ERG: variants seen among roughly 807,000 people sequenced by gnomAD.
The protein encoded by ERG is ETS transcription factor ERG.
ERG carries 9 observed loss-of-function variants against 55.3 expected under a neutral mutation model. The observed-to-expected ratio is 0.16, with a 90% CI of 0.10 to 0.28. ERG has a LOEUF of 0.28. ERG is among the 10% of genes least tolerant of loss of function. The pLI is 1.00. For synonymous variants in ERG, 223 were observed against 237.3 expected (o/e 0.94, Z 0.55); for missense variants, 434 against 631.6 (o/e 0.69, Z 3.35).
Position 38,538,252 on chromosome 21 carries a change from T to C in ERG, c.-41+37410A>G, listed in dbSNP as rs192327674. Among the ~76,000 whole-genome samples, 57 of 152,254 alleles carry C rather than the reference T, an allele frequency of 3.7e-4. 1 individual carries two copies. In the East Asian group the frequency reaches 0.01, roughly 27 times the overall value. On this transcript the variant is annotated intron_variant, in intron 2 of 8. Transcript: ENST00000398897. ...AAAAAGTTCTGGAGATGGATGATGG[T>C]GAGTTTTGCACCACAATGTGAATGT...
chr21:38,589,413 G>T (rs561572429), upstream of ERG, among the ~76,000 whole-genome samples: 1 of 152,162 alleles, frequency 6.6e-6, no homozygotes, highest in African/African-American at 2.4e-5. Flanking sequence ...CTCCCTTATG[G>T]AAGGAAACAT....
chr21:38,409,769 G>A (rs969825323), intron 3 of ERG, among the ~76,000 whole-genome samples: 2 of 152,212 alleles, frequency 1.3e-5, no homozygotes, highest in African/African-American at 2.4e-5. Flanking sequence ...AGCAACATAC[G>A]AGGATGGGGA....
intron 1 of ERG, among the ~76,000 whole-genome samples, chr21:38,485,705 A>C (rs13052418): frequency 6.6e-6 from 1 of 151,076 alleles, no homozygotes; most frequent in Non-Finnish European, 1.5e-5. Flanking sequence ...TGATCCGCCC[A>C]CCTCGGCCTC....
At chr21:38,628,904 C>A (rs937250318) in intron 1 of ERG, among the ~76,000 whole-genome samples, 1 of 152,234 alleles carries the variant, frequency 6.6e-6, no homozygotes, top group African/African-American at 2.4e-5. Context: ...CAGTACACAG[C>A]TTTAGAGGAC....
chr21:38,522,698 T>C (rs182451417), intron 2 of ERG, among the ~76,000 whole-genome samples: 269 of 152,328 alleles, frequency 1.8e-3, no homozygotes, highest in African/African-American at 6.4e-3. Context: ...TTCAAAATAT[T>C]TCCAAGGTAT....
At position 38,382,560 on chromosome 21, in the gene ERG, A is replaced by G; in HGVS notation, c.*843T>C. The G allele has an allele frequency of 4.7e-6, 5 of 1,066,056 alleles. No individual in the cohort carries two copies. Among genetic ancestry groups the G allele is most frequent in the Non-Finnish European group, 4.5e-6 (4 of 879,480 alleles). 66.0% of individuals were successfully genotyped at this position (1,066,056 alleles called of 1,614,324 possible). The stretch of plus-strand genomic sequence containing the variant: ...TTTCTCCTAACACTGGGTTTGGTAT[A>G]ACACTGACTGCATGAACCCTCGAGT... On this transcript the variant is annotated 3_prime_UTR_variant, in exon 10 of 10. Coordinates refer to ENST00000288319, the MANE Select transcript of ERG (RefSeq NM_182918.4).
chr21:38,391,105 C>T, intron 8 of ERG, 63 bp from the exon 9 acceptor site: 1 of 1,325,896 alleles, frequency 7.5e-7, no homozygotes, highest in South Asian at 1.2e-5. Flanking sequence ...GATGTGACTT[C>T]AGACATAATG....
At chr21:38,443,151 C>T (rs2146550217) in intron 2 of ERG, among the ~76,000 whole-genome samples, 1 of 152,324 alleles carries the variant, frequency 6.6e-6, no homozygotes, top group Non-Finnish European at 1.5e-5. Context: ...ACAGTGAGAA[C>T]AATAGAAACT....
rs1987432538 is a variant in ERG, at chr21:38,381,446, G to A, written c.*1957C>T. 9.4e-7 allele frequency: 1 copy of A among 1,063,222 alleles called. No homozygotes were observed. The highest frequency in any genetic ancestry group is 5.0e-5 in the East Asian group (1 of 19,836). 65.9% of individuals were successfully genotyped at this position (1,063,222 alleles called of 1,614,324 possible). A position where few individuals can be genotyped will look rare whatever the true frequency, so the allele number is the denominator to read the frequency against. ...GGGATAGCCAGCAACATCAGGCTCA[G>A]GGCTAGTGAATCCCAAGCCACAGTG... On this transcript the variant is annotated 3_prime_UTR_variant, in exon 10 of 10. Coordinates refer to ENST00000288319, the MANE Select transcript of ERG (RefSeq NM_182918.4).
intron 2 of ERG, among the ~76,000 whole-genome samples, chr21:38,575,414 T>C (rs565989382): frequency 2.6e-5 from 4 of 152,274 alleles, no homozygotes; most frequent in South Asian, 2.1e-4. Context: ...GATATAGAAA[T>C]GAATGCATGG....
At chr21:38,527,561 A>G (rs1260126071) in intron 2 of ERG, among the ~76,000 whole-genome samples, 2 of 152,162 alleles carry the variant, frequency 1.3e-5, no homozygotes, top group Non-Finnish European at 2.9e-5. Flanking sequence ...GACCACCAGG[A>G]AGGGTCTGAA....
intron 1 of ERG, among the ~76,000 whole-genome samples, chr21:38,600,961 A>G (rs1413482538): frequency 6.6e-6 from 1 of 152,190 alleles, no homozygotes; most frequent in Non-Finnish European, 1.5e-5. Context: ...TGGCTCCAAG[A>G]GTCTAATGGT....
intron 6 of ERG, among the ~76,000 whole-genome samples, chr21:38,398,869 C>A (rs1347747214): frequency 6.6e-5 from 10 of 152,180 alleles, no homozygotes; most frequent in Non-Finnish European, 2.9e-5. Context: ...CTTTGCAACT[C>A]AGTCAGAGGC....
At chr21:38,399,888 T>G (rs1159994884) in intron 6 of ERG, 1 of 179,266 alleles carries the variant, frequency 5.6e-6, no homozygotes, top group Non-Finnish European at 1.2e-5. Flanking sequence ...GCAAAACATT[T>G]CGGTTTGTTC....
At chr21:38,514,225 T>A (rs1346168354) in intron 2 of ERG, among the ~76,000 whole-genome samples, 2 of 146,832 alleles carry the variant, frequency 1.4e-5, no homozygotes, top group East Asian at 2.0e-4. Flanking sequence ...AACATGCATT[T>A]AAAAAAAAAA....
At chr21:38,483,988 T>G (rs969461306) in intron 1 of ERG, among the ~76,000 whole-genome samples, 1 of 152,248 alleles carries the variant, frequency 6.6e-6, no homozygotes, top group Non-Finnish European at 1.5e-5. Context: ...TTTATTCATT[T>G]ATGAAATGGA....
intron 1 of ERG, among the ~76,000 whole-genome samples, chr21:38,641,145 A>G (rs1436180051): frequency 6.6e-6 from 1 of 152,194 alleles, no homozygotes; most frequent in East Asian, 1.9e-4. Context: ...CTTCCTCCCA[A>G]AATTCACATG....
At chr21:38,395,082 A>G (rs1163162320) in intron 6 of ERG, among the ~76,000 whole-genome samples, 1 of 152,258 alleles carries the variant, frequency 6.6e-6, no homozygotes, top group Non-Finnish European at 1.5e-5. Context: ...TCAGCCAAGT[A>G]TTTGAGACAG....
intron 1 of ERG, chr21:38,449,098 C>T (rs1310792101): frequency 1.3e-5 from 2 of 152,198 alleles, no homozygotes; most frequent in Non-Finnish European, 2.9e-5. Context: ...GAAACTCTGG[C>T]CAGCCACAAG....
Sources: gnomAD v4.1 joint callset for allele counts (sites outside exome capture counted in the v4.1 genomes callset) on GRCh38, gnomAD v4.1.1 for gene constraint, MANE v1.5 for transcripts, NCBI Gene and HGNC (gene_info 2026-07-23, HGNC 2026-07-21) for gene names.